Variants in BAALC observed in about 807,000 individuals in gnomAD.
BAALC encodes BAALC binder of MAP3K1 and KLF4.
In BAALC, 9 loss-of-function variants were observed where a neutral mutation model predicts 15.5. That is an observed-to-expected ratio of 0.58 (90% CI 0.35 to 1.02). The LOEUF (loss-of-function observed/expected upper bound fraction) is 1.02. BAALC is among the 50% of genes least tolerant of loss of function. The pLI is 0.02. For synonymous variants in BAALC, 80 were observed against 74.6 expected (o/e 1.07, Z -0.37); for missense variants, 201 against 192.4 (o/e 1.04, Z -0.27).
chr8:103,176,839 A>G (rs1389705552), intron 1 of BAALC, among the ~76,000 whole-genome samples: 1 of 152,188 alleles, frequency 6.6e-6, no homozygotes, highest in Non-Finnish European at 1.5e-5. Context: ...AGTTCGAAGG[A>G]AGAACTGTGA....
At chr8:103,147,723 A>G (rs767012634) in intron 1 of BAALC, among the ~76,000 whole-genome samples, 11 of 152,138 alleles carry the variant, frequency 7.2e-5, no homozygotes, top group Non-Finnish European at 1.0e-4. Flanking sequence ...TCATCCCAGG[A>G]GCCCTCCCAT....
chr8:103,178,160 CAAAT>C (rs1310849892), intron 1 of BAALC, among the ~76,000 whole-genome samples: 3 of 152,150 alleles, frequency 2.0e-5, no homozygotes, highest in African/African-American at 7.2e-5. Context: ...AATTATCATA[CAAAT>C]AAATAGTGAG....
At chr8:103,160,332 G>A (rs1811196392) in intron 1 of BAALC, among the ~76,000 whole-genome samples, 1 of 152,156 alleles carries the variant, frequency 6.6e-6, no homozygotes, top group African/African-American at 2.4e-5. Context: ...TATGCCCTAT[G>A]TAAATGGAGA....
intron 1 of BAALC, among the ~76,000 whole-genome samples, chr8:103,192,114 C>A (rs1324374107): frequency 6.6e-6 from 1 of 152,112 alleles, no homozygotes; most frequent in East Asian, 1.9e-4. Flanking sequence ...TGCAATGGTG[C>A]GATCTCAGCT....
intron 1 of BAALC, among the ~76,000 whole-genome samples, chr8:103,148,091 G>C (rs1029597375): frequency 1.3e-5 from 2 of 152,142 alleles, no homozygotes. Flanking sequence ...ACCTCAGAAT[G>C]TGACCTTATT....
chr8:103,173,515 A>G (rs1304452476), intron 1 of BAALC, among the ~76,000 whole-genome samples: 1 of 152,198 alleles, frequency 6.6e-6, no homozygotes, highest in Non-Finnish European at 1.5e-5. Flanking sequence ...TGCTAATAAT[A>G]GATTTTTTTC....
intron 1 of BAALC, among the ~76,000 whole-genome samples, chr8:103,191,777 G>A (rs2130003458): frequency 6.6e-6 from 1 of 152,228 alleles, no homozygotes; most frequent in East Asian, 1.9e-4. Flanking sequence ...TCTACACCCA[G>A]AACTTTGCAG....
At chr8:103,144,380 A>G (rs1371520024) in intron 1 of BAALC, among the ~76,000 whole-genome samples, 1 of 152,248 alleles carries the variant, frequency 6.6e-6, no homozygotes, top group Non-Finnish European at 1.5e-5. Context: ...TTTAAAAGCT[A>G]GCTGAAGCCA....
chr8:103,181,415 T>G (rs188835983), intron 1 of BAALC, among the ~76,000 whole-genome samples: 2,600 of 151,974 alleles, frequency 0.017, 63 homozygotes, highest in African/African-American at 0.057. Flanking sequence ...GGGACTACAG[T>G]CTCCCACCAC....
chr8:103,218,784 C>G (rs776239568), intron 2 of BAALC, among the ~76,000 whole-genome samples: 3 of 152,216 alleles, frequency 2.0e-5, no homozygotes, highest in Non-Finnish European at 2.9e-5. Context: ...GGAGTTTTCT[C>G]CCGCTCCTCC....
chr8:103,155,798 T>C (rs1811078744), intron 1 of BAALC, among the ~76,000 whole-genome samples: 1 of 152,206 alleles, frequency 6.6e-6, no homozygotes, highest in Admixed American at 6.5e-5. Flanking sequence ...AAACCTGCAG[T>C]GTCTCCATGT....
Position 103,213,014 on chromosome 8 carries a change from C to G in BAALC, c.256C>G (p.Gln86Glu), listed in dbSNP as rs1404879853. Residue 86 changes from glutamine (Q) to glutamate (E), a missense_variant, in exon 2 of 3, where the codon CAG becomes GAG. By Grantham distance (29) the Gln-to-Glu change is conservative. Transcript: ENST00000309982. ...AGAGAAGAAGACGAACTGTGAGACCCAGTGCCCAAATCCCCAGAGCCTCAG... is the reference window on the plus strand; with the variant it reads ...AGAGAAGAAGACGAACTGTGAGACCGAGTGCCCAAATCCCCAGAGCCTCAG... The part of the protein sequence containing the change: ...NPEKKTNCET[Q>E]CPNPQSLSSG... The G allele has an allele frequency of 6.2e-7, 1 of 1,614,070 alleles. No individual in the cohort carries two copies. The highest frequency in any genetic ancestry group is 1.3e-5 in the African/African-American group (1 of 74,942).
intron 1 of BAALC, among the ~76,000 whole-genome samples, chr8:103,146,646 C>A (rs962945245): frequency 1.2e-4 from 18 of 152,260 alleles, no homozygotes; most frequent in African/African-American, 4.3e-4. Flanking sequence ...TTGTAGACCC[C>A]AGAGATGATG....
At chr8:103,215,247 A>T (rs1812531532) in intron 2 of BAALC, among the ~76,000 whole-genome samples, 1 of 152,230 alleles carries the variant, frequency 6.6e-6, no homozygotes, top group East Asian at 1.9e-4. Context: ...AGCATTGTGA[A>T]GTAAGCATTA....
intron 1 of BAALC, among the ~76,000 whole-genome samples, chr8:103,142,423 C>A (rs1810798089): frequency 6.6e-6 from 1 of 152,138 alleles, no homozygotes; most frequent in Admixed American, 6.5e-5. Context: ...ATGCTTTTAG[C>A]AAGTCACCAA....
chr8:103,166,504 C>G (rs1811350304), intron 1 of BAALC, among the ~76,000 whole-genome samples: 1 of 151,988 alleles, frequency 6.6e-6, no homozygotes, highest in Non-Finnish European at 1.5e-5. Context: ...GGCCTGAGGG[C>G]AGAAACCGTT....
intron 1 of BAALC, among the ~76,000 whole-genome samples, chr8:103,156,303 G>T (rs1489942566): frequency 6.6e-6 from 1 of 152,222 alleles, no homozygotes; most frequent in Admixed American, 6.5e-5. Context: ...ATTTCTCACC[G>T]TGAAGGCAGT....
In BAALC at chr8:103,188,990, T is replaced by C. The variant is rs575749786; in HGVS notation, c.161-23929T>C. ...AAAGTGCATTTTTTGACATATGCAA[T>C]ACTATTTTTAAATATAACTGTTAAA... On this transcript the variant is annotated intron_variant, in intron 1 of 2. Coordinates refer to ENST00000309982, the MANE Select transcript of BAALC (RefSeq NM_024812.3). Among the ~76,000 whole-genome samples, 3 of 152,362 alleles carry C rather than the reference T, an allele frequency of 2.0e-5. No homozygotes were observed. The South Asian group carries it at 6.2e-4, about 32-fold the overall frequency.
At chr8:103,187,900 A>C (rs1811879256) in intron 1 of BAALC, among the ~76,000 whole-genome samples, 1 of 152,088 alleles carries the variant, frequency 6.6e-6, no homozygotes, top group South Asian at 2.1e-4. Context: ...TTTGTGACTT[A>C]GTGTCCAAGG....
Sources: allele counts gnomAD v4.1 joint callset (sites outside exome capture counted in the v4.1 genomes callset), GRCh38; gene constraint gnomAD v4.1.1; transcripts MANE v1.5; gene names NCBI Gene and HGNC (gene_info 2026-07-23, HGNC 2026-07-21).